TRIM37: variants seen among roughly 807,000 people sequenced by gnomAD.
TRIM37 encodes the protein E3 ubiquitin-protein ligase TRIM37.
TRIM37 carries 80 observed loss-of-function variants against 129.8 expected under a neutral mutation model. That is an observed-to-expected ratio of 0.62 (90% CI 0.51 to 0.74). The LOEUF is 0.74. Ranked by LOEUF, TRIM37 falls within the 30% of genes least tolerant of loss-of-function variation. The pLI is 0.00. For missense variants in TRIM37, 1,054 were observed against 1,176.5 expected (o/e 0.90, Z 1.52); for synonymous variants, 389 against 387.1 (o/e 1.00, Z -0.06).
At chr17:58,972,250 T>C in the TRIM37 span, 3 of 1,614,032 alleles carry the variant, frequency 1.9e-6, no homozygotes, top group African/African-American at 2.7e-5. Context: ...GTTGAACTAA[T>C]GAAGCCACAC....
At chr17:59,084,425 A>G (rs1259891850) in intron 4 of TRIM37, among the ~76,000 whole-genome samples, 3 of 152,224 alleles carry the variant, frequency 2.0e-5, no homozygotes, top group Admixed American at 6.5e-5. Flanking sequence ...CTTAATAATC[A>G]TATTGATTAT....
At chr17:58,983,908 G>A (rs1181080707) in intron 24 of TRIM37, 1 of 152,582 alleles carries the variant, frequency 6.6e-6, no homozygotes, top group Non-Finnish European at 1.5e-5. Flanking sequence ...CAAACTCCTT[G>A]TACATTCACT....
downstream of TRIM37, among the ~76,000 whole-genome samples, chr17:58,994,119 T>A (rs1043827563): frequency 2.6e-5 from 4 of 152,178 alleles, no homozygotes; most frequent in Admixed American, 6.5e-5. Flanking sequence ...GAGCTAGGCT[T>A]CTGTCAGAGA....
chr17:59,055,332 C>CAAAAAA (rs34519741), intron 13 of TRIM37, among the ~76,000 whole-genome samples: 3 of 65,658 alleles, frequency 4.6e-5, no homozygotes, highest in Admixed American at 2.0e-4. Flanking sequence ...AACTCTGTCT[C>CAAAAAA]AAAAAAAAAA....
chr17:59,075,032 C>T (rs1183827195), intron 8 of TRIM37, among the ~76,000 whole-genome samples: 1 of 152,118 alleles, frequency 6.6e-6, no homozygotes, highest in Non-Finnish European at 1.5e-5. Context: ...TATCTCAAAG[C>T]CACCACTTAA....
chr17:59,075,021 A>G lies in TRIM37; in HGVS notation c.684+626T>C, dbSNP rs151042386. Among the ~76,000 whole-genome samples, 536 of 152,318 alleles carry G rather than the reference A, an allele frequency of 3.5e-3. 3 individuals are homozygous for G. Among genetic ancestry groups the G allele is most frequent in the African/African-American group, 0.012 (507 of 41,564 alleles). On this transcript the variant is annotated intron_variant, in intron 8 of 23. Coordinates refer to ENST00000262294, the MANE Select transcript of TRIM37 (RefSeq NM_015294.6). ...GCTACATGTAAAGTAACTGGCAATA[A>G]TATCTCAAAGCCACCACTTAAGTCA...
At chr17:59,056,788 T>C in intron 13 of TRIM37, 87 bp downstream of exon 13, 2 of 980,866 alleles carry the variant, frequency 2.0e-6, no homozygotes, top group South Asian at 2.6e-5. Flanking sequence ...AATATTCATC[T>C]TTGTTAACCA....
At chr17:59,012,602 G>A (rs1255277613) in intron 21 of TRIM37, among the ~76,000 whole-genome samples, 156 bp from the exon 22 acceptor site, 1 of 152,094 alleles carries the variant, frequency 6.6e-6, no homozygotes, top group Non-Finnish European at 1.5e-5. Context: ...TAAGGTCCTG[G>A]CACAGTGGCT....
intron 17 of TRIM37, among the ~76,000 whole-genome samples, chr17:59,034,233 T>C (rs1330868977): frequency 6.6e-6 from 1 of 152,120 alleles, no homozygotes; most frequent in Non-Finnish European, 1.5e-5. Flanking sequence ...TATCTGATTC[T>C]CCTTTAAAAA....
At chr17:59,035,520 G>A (rs571451700) in intron 17 of TRIM37, among the ~76,000 whole-genome samples, 34 of 151,870 alleles carry the variant, frequency 2.2e-4, no homozygotes, top group Non-Finnish European at 2.9e-4. Context: ...TTCAGAGGCC[G>A]AGGCAGGTGG....
the TRIM37 span, among the ~76,000 whole-genome samples, chr17:58,973,943 C>A: frequency 9.5e-6 from 1 of 105,390 alleles, no homozygotes; most frequent in Admixed American, 1.4e-4. Context: ...CAGAGCGAGA[C>A]TCCATCTCAA....
rs779235712 is a variant in TRIM37, at chr17:58,998,539, CATGA to C, written c.*834_*837del. On this transcript the variant is annotated 3_prime_UTR_variant, in exon 24 of 24. Coordinates refer to ENST00000262294, the MANE Select transcript of TRIM37 (RefSeq NM_015294.6). ...CACGTTCATGTAAGCCACTGTGCAACATGAATGAATCTTTAAATGTGTTGACACT... is the reference window on the plus strand; with the variant it reads ...CACGTTCATGTAAGCCACTGTGCAACATGAATCTTTAAATGTGTTGACACT... The C allele has an allele frequency of 3.0e-5, 30 of 985,156 alleles. No homozygotes were observed. The highest frequency in any genetic ancestry group is 2.3e-5 in the Non-Finnish European group (19 of 829,886). 61.0% of individuals were successfully genotyped at this position (985,156 alleles called of 1,614,324 possible). A position where few individuals can be genotyped will look rare whatever the true frequency, so the allele number is the denominator to read the frequency against.
downstream of TRIM37, chr17:58,980,472 T>C: frequency 6.2e-7 from 1 of 1,614,156 alleles, no homozygotes; most frequent in Non-Finnish European, 8.5e-7. This position sits in a 1 kb window ranked among gnomAD's most constrained non-coding sequence, Gnocchi z 4.7. Context: ...CCAGGCTACC[T>C]AGATCTCACA....
Position 59,081,090 on chromosome 17 carries a change from G to T in TRIM37, c.492+7C>A, listed in dbSNP as rs754455461. ...ACAAAATAATTATATTTTAGTAGTA[G>T]TCTTACCACTTCTTGAACTAAGCTG... On this transcript the variant is annotated splice_region_variant and intron_variant, in intron 6 of 23. Transcript: ENST00000262294. 1.9e-6 allele frequency: 3 copies of T among 1,601,824 alleles called. No homozygotes were observed. The highest frequency in any genetic ancestry group is 1.7e-4 in the Middle Eastern group (1 of 6,014).
chr17:59,034,632 T>C (rs570060568), intron 17 of TRIM37, among the ~76,000 whole-genome samples: 5 of 152,174 alleles, frequency 3.3e-5, no homozygotes, highest in African/African-American at 9.6e-5. Context: ...AGTGCTGGGA[T>C]TACAGGCAGG....
At position 59,051,271 on chromosome 17, in the gene TRIM37, A is replaced by C; in HGVS notation, c.1257T>G (p.Ile419Met). The C allele has an allele frequency of 6.2e-7, 1 of 1,614,066 alleles. No homozygotes were observed. The highest frequency in any genetic ancestry group is 2.2e-5 in the East Asian group (1 of 44,844). Residue 419 changes from isoleucine to methionine, a missense_variant, in exon 14 of 24, where the codon ATT (isoleucine) becomes ATG (methionine). By Grantham distance (10) the Ile-to-Met change is conservative. This residue lies in a region of TRIM37 where 752 missense variants were observed against 870.8 expected (regional missense o/e 0.86). Transcript: ENST00000262294. ...TAGTCTGTGCAGCTTCCAACTGAGT[A>C]ATGTACCAATGCTGGTCCCGGGATT... ...FQKSRDQHWY[I>M]TQLEAAQTSY...
chr17:59,053,227 T>G (rs947772508), intron 13 of TRIM37, among the ~76,000 whole-genome samples: 10 of 152,312 alleles, frequency 6.6e-5, no homozygotes, highest in African/African-American at 9.6e-5. Context: ...TTTCTTAACT[T>G]TCTGTTTTAA....
At chr17:59,001,246 T>C (rs1357670904) in intron 23 of TRIM37, among the ~76,000 whole-genome samples, 1 of 151,404 alleles carries the variant, frequency 6.6e-6, no homozygotes, top group Non-Finnish European at 1.5e-5. Flanking sequence ...AAATTCTTCT[T>C]TGTTTCTTTT....
chr17:59,099,867 G>A (rs924950160), intron 2 of TRIM37, among the ~76,000 whole-genome samples: 3 of 152,052 alleles, frequency 2.0e-5, no homozygotes, highest in African/African-American at 7.2e-5. Flanking sequence ...GCAATGGTGC[G>A]ATCTCGGCTC....
Sources: gnomAD v4.1 joint callset for allele counts (sites outside exome capture counted in the v4.1 genomes callset) on GRCh38, gnomAD v4.1.1 for gene constraint, gnomAD v4.1.1 regional missense constraint, Gnocchi (gnomAD v3.1) non-coding constraint, MANE v1.5 for transcripts, NCBI Gene and HGNC (gene_info 2026-07-23, HGNC 2026-07-21) for gene names.